Variants in PCNT observed in about 807,000 individuals in gnomAD.
PCNT encodes kendrin.
A neutral mutation model predicts 380.4 loss-of-function variants in PCNT; 319 were observed. The observed-to-expected ratio is 0.84, with a 90% CI of 0.77 to 0.92. The LOEUF (loss-of-function observed/expected upper bound fraction) is 0.92, where lower values mean the gene tolerates loss of function less well. PCNT is among the 40% of genes least tolerant of loss of function. The pLI is 0.00. For synonymous variants in PCNT, 1,845 were observed against 1,735.2 expected, an observed-to-expected ratio of 1.06 and a Z score of -1.57; for missense variants, 4,400 against 4,255.3, an observed-to-expected ratio of 1.03 and a Z score of -0.95.
intron 6 of PCNT, among the ~76,000 whole-genome samples, chr21:46,348,489 G>A (rs1023866485): frequency 1.3e-5 from 2 of 152,150 alleles, no homozygotes; most frequent in African/African-American, 4.8e-5. Context: ...TGTGGTGGGT[G>A]GTCCTTGCTC....
chr21:46,362,308 G>A (rs1376202729), intron 13 of PCNT, among the ~76,000 whole-genome samples: 1 of 152,180 alleles, frequency 6.6e-6, no homozygotes, highest in Non-Finnish European at 1.5e-5. Context: ...TTCTGTGTGT[G>A]GGGCATGGAC....
chr21:46,355,333 A>G, intron 11 of PCNT, 119 bp from the exon 12 acceptor site: 10 of 1,083,048 alleles, frequency 9.2e-6, no homozygotes, highest in Admixed American at 1.7e-5. Context: ...GTGTGGTCTC[A>G]TGAACCTAGT....
chr21:46,435,475 T>A (rs2053409971), intron 38 of PCNT, among the ~76,000 whole-genome samples: 1 of 152,002 alleles, frequency 6.6e-6, no homozygotes, highest in Non-Finnish European at 1.5e-5. Flanking sequence ...ATCCGCTTGC[T>A]GCAGTCTCCC....
rs1601744557 is a variant in PCNT, at chr21:46,329,584, T to A, written c.267+2995T>A. On this transcript the variant is annotated intron_variant, in intron 2 of 46. Transcript: ENST00000359568. ...ATTACTGGTCCCCTTGACTTAGAGA[T>A]GCACACGCACACTCACTGCACTTGC... Among the ~76,000 whole-genome samples the A allele has an allele frequency of 5.9e-5, 9 of 152,326 alleles. No homozygotes were observed. In the South Asian group the frequency reaches 1.9e-3, roughly 32 times the overall value.
chr21:46,420,644 C>T, intron 31 of PCNT: 1 of 152,792 alleles, frequency 6.5e-6, no homozygotes, highest in Non-Finnish European at 1.5e-5. Context: ...ACTTGTGGAG[C>T]TCTGACCACC....
rs190313837 is a variant in PCNT at position 46,349,963 on chromosome 21, C to T, written c.1344+143C>T. The T allele has an allele frequency of 7.6e-4, 649 of 854,196 alleles. 6 individuals are homozygous for T. In the African/African-American group the frequency reaches 8.2e-3, roughly 11 times the overall value. 52.9% of individuals were successfully genotyped at this position (854,196 alleles called of 1,614,324 possible). A position where few individuals can be genotyped will look rare whatever the true frequency, so the allele number is the denominator to read the frequency against. The stretch of plus-strand genomic sequence containing the variant: ...GACTGGCTGGGAACAGTGGTTCACG[C>T]CTGTAACTCTATCACTTTGGGAGGC... On this transcript the variant is annotated intron_variant, in intron 8 of 46. Transcript: ENST00000359568.
rs750234912 is a variant in PCNT, at chr21:46,326,511, CTG to C, written c.192_193del (p.Cys64TrpfsTer12). The C allele has an allele frequency of 1.2e-6, 2 of 1,614,200 alleles. No homozygotes were observed. Among genetic ancestry groups the C allele is most frequent in the Non-Finnish European group, 1.7e-6 (2 of 1,180,036 alleles). On this transcript the variant is annotated frameshift_variant, in exon 2 of 47. Coordinates refer to ENST00000359568, the MANE Select transcript of PCNT (RefSeq NM_006031.6). LOFTEE classifies it high-confidence loss of function. ...CGGTAACCAAGGAGGACAGCGCACT[CTG>C]TGGAGGAGGGGACATTTGCAAAAGC... ...SPVTKEDSAL[C>X]GGGDICKSTS...
At chr21:46,438,083 A>G (rs1397384016) in intron 40 of PCNT, 81 bp from the exon 41 acceptor site, 47 of 1,140,532 alleles carry the variant, frequency 4.1e-5, no homozygotes, top group Non-Finnish European at 5.7e-5. Context: ...AATCCCTAAA[A>G]ATAACTGTTG....
chr21:46,422,223 C>A, intron 32 of PCNT, 99 bp downstream of exon 32: 1 of 1,453,024 alleles, frequency 6.9e-7, no homozygotes, highest in Non-Finnish European at 9.5e-7. Flanking sequence ...CCTTGGAGGG[C>A]CAGCTTTTCC....
At chr21:46,353,445 C>T (rs1049597088) in intron 10 of PCNT, 119 bp downstream of exon 10, 2 of 849,022 alleles carry the variant, frequency 2.4e-6, no homozygotes, top group Non-Finnish European at 3.9e-6. Context: ...TTTATACAAA[C>T]ACATTTTATG....
intron 16 of PCNT, 64 bp from the exon 17 acceptor site, chr21:46,385,768 C>T: frequency 6.5e-7 from 1 of 1,541,470 alleles, no homozygotes; most frequent in Middle Eastern, 1.7e-4. Context: ...GTTGAAAGTC[C>T]CTTACAGCCA....
Position 46,436,110 on chromosome 21 carries a change from C to T in PCNT, c.8958C>T (p.Ala2986=), listed in dbSNP as rs1251107166. 41 of 1,610,434 alleles carry T rather than the reference C, an allele frequency of 2.5e-5. No individual in the cohort carries two copies. The highest frequency in any genetic ancestry group is 7.7e-5 in the South Asian group (7 of 91,080). Reference sequence around the variant, plus strand: ...TGAGGCAGCGGCTGCTCTCTGCCGCCCGGCTTCTCACCAGCTTCACCAGCC... The same window carrying T: ...TGAGGCAGCGGCTGCTCTCTGCCGCTCGGCTTCTCACCAGCTTCACCAGCC... ...EAMRQRLLSA[A]RLLTSFTSQA... is the part of the protein sequence containing the mutation. The change falls in exon 39 of 47, where the codon GCC becomes GCT. Residue 2986 remains alanine, a synonymous_variant. Transcript: ENST00000359568.
In PCNT at chr21:46,388,784, T is replaced by G; in HGVS notation, c.3507T>G (p.Phe1169Leu). 1 of 1,613,738 alleles carries G rather than the reference T, an allele frequency of 6.2e-7. No homozygotes were observed. Among genetic ancestry groups the G allele is most frequent in the Non-Finnish European group, 8.5e-7 (1 of 1,179,942 alleles). Reference protein sequence around the residue: ...QDALRRLLGLFGETLRAAVTL... With the variant: ...QDALRRLLGLLGETLRAAVTL... ...CCCTGCGCAGGCTGCTGGGTTTGTT[T>G]GGAGAGACGCTGAGGGCAGCCGTCA... Residue 1169 changes from phenylalanine (F) to leucine (L), a missense_variant, in exon 18 of 47, where the codon TTT becomes TTG. By Grantham distance (22) the Phe-to-Leu change is conservative. Transcript: ENST00000359568. The surrounding 1 kb of genome is among the most constrained non-coding windows in gnomAD (Gnocchi z 4.2).
chr21:46,406,201 G>A (rs1250242819), intron 27 of PCNT, among the ~76,000 whole-genome samples: 3 of 152,128 alleles, frequency 2.0e-5, no homozygotes, highest in East Asian at 3.8e-4. Context: ...CTGTACTGCC[G>A]TCCTCCGGGG....
intron 1 of PCNT, chr21:46,325,274 C>T: frequency 1.1e-6 from 1 of 898,138 alleles, no homozygotes; most frequent in Non-Finnish European, 1.3e-6. Flanking sequence ...GGCTCCCGGG[C>T]ACGGCGGACA....
intron 3 of PCNT, among the ~76,000 whole-genome samples, chr21:46,335,298 A>G (rs1459580398): frequency 2.0e-5 from 3 of 152,184 alleles, no homozygotes; most frequent in Non-Finnish European, 4.4e-5. Context: ...TGAATTCCAT[A>G]CGTGTTGAGT....
chr21:46,399,350 AGGTCTCTGTTCAGCCTGTGGGTCTG>A (rs2086338665), intron 24 of PCNT, among the ~76,000 whole-genome samples: 2 of 31,264 alleles, frequency 6.4e-5, no homozygotes, highest in African/African-American at 4.5e-4. Flanking sequence ...CTGTGGGTCT[AGGTCTCTGTTCAGCCTGTGGGTCTG>A]GGTCTCTCTG....
At chr21:46,437,135 C>T (rs1318716161) in intron 40 of PCNT, 54 bp downstream of exon 40, 14 of 1,145,006 alleles carry the variant, frequency 1.2e-5, no homozygotes, top group Non-Finnish European at 1.6e-5. Flanking sequence ...CAGAGGGGCC[C>T]TCTCGGCAGC....
intron 3 of PCNT, among the ~76,000 whole-genome samples, chr21:46,343,849 G>A (rs985605532): frequency 1.3e-5 from 2 of 152,008 alleles, no homozygotes; most frequent in African/African-American, 4.8e-5. Flanking sequence ...AATCTCGAAG[G>A]GATGTATATT....
Sources: gnomAD v4.1 joint callset for allele counts (sites outside exome capture counted in the v4.1 genomes callset) on GRCh38, gnomAD v4.1.1 for gene constraint, Gnocchi (gnomAD v3.1) non-coding constraint, MANE v1.5 for transcripts, NCBI Gene and HGNC (gene_info 2026-07-23, HGNC 2026-07-21) for gene names.